Variants in DSCAM observed in about 807,000 individuals in gnomAD.
DSCAM encodes cell adhesion molecule DSCAM.
In DSCAM, 47 loss-of-function variants were observed where a neutral mutation model predicts 217.7. The observed-to-expected ratio is 0.22, with a 90% CI of 0.17 to 0.28. The LOEUF is 0.28. Ranked by LOEUF, DSCAM falls within the 10% of genes least tolerant of loss-of-function variation. DSCAM has a pLI of 1.00. For synonymous variants in DSCAM, 1,056 were observed against 1,015.3 expected, an observed-to-expected ratio of 1.04 and a Z score of -0.76; for missense variants, 2,080 against 2,618.3, an observed-to-expected ratio of 0.79 and a Z score of 4.49.
chr21:40,072,533 A>G (rs1229842163), intron 27 of DSCAM, among the ~76,000 whole-genome samples: 1 of 151,876 alleles, frequency 6.6e-6, no homozygotes, highest in Non-Finnish European at 1.5e-5. Context: ...TATTTTTAGT[A>G]GAGACGGGGT....
intron 3 of DSCAM, among the ~76,000 whole-genome samples, chr21:40,690,042 G>A (rs2090522613): frequency 6.6e-6 from 1 of 152,182 alleles, no homozygotes; most frequent in Admixed American, 6.5e-5. Context: ...ATGGGGGAGG[G>A]AGGCTGTCCT....
In DSCAM at chr21:40,016,993, G is replaced by A. The variant is rs1313608595; in HGVS notation, c.5687-3607C>T. Among the ~76,000 whole-genome samples the A allele has an allele frequency of 6.6e-6, 1 of 151,876 alleles. No homozygotes were observed. The highest frequency in any genetic ancestry group is 2.4e-5 in the African/African-American group (1 of 41,354). ...CAGCTGGACGTGGTGGTACACGCCT[G>A]TAATCCCAGCTACTCAGGAGGCTGA... On this transcript the variant is annotated intron_variant, in intron 32 of 32. Coordinates refer to ENST00000400454, the MANE Select transcript of DSCAM (RefSeq NM_001389.5). The surrounding 1 kb of genome is among the most constrained non-coding windows in gnomAD (Gnocchi z 4.3).
intron 3 of DSCAM, among the ~76,000 whole-genome samples, chr21:40,550,461 G>A (rs1211784721): frequency 6.6e-6 from 1 of 152,152 alleles, no homozygotes; most frequent in East Asian, 1.9e-4. Flanking sequence ...GGAGGCAGGG[G>A]CTGCAGTGAG....
intron 16 of DSCAM, among the ~76,000 whole-genome samples, chr21:40,161,578 C>A (rs1037917776): frequency 6.6e-6 from 1 of 152,092 alleles, no homozygotes; most frequent in Non-Finnish European, 1.5e-5. Context: ...AGAGTCTAGT[C>A]CACCTAAAAA....
intron 1 of DSCAM, among the ~76,000 whole-genome samples, chr21:40,710,503 G>A (rs17000228): frequency 0.03 from 4,483 of 151,906 alleles, 228 homozygotes; most frequent in African/African-American, 0.1. Context: ...GGTTCTATAC[G>A]GACTTCACAA....
At chr21:40,235,540 G>A (rs1406911039) in intron 11 of DSCAM, among the ~76,000 whole-genome samples, 1 of 152,058 alleles carries the variant, frequency 6.6e-6, no homozygotes, top group Non-Finnish European at 1.5e-5. Context: ...CTGAAATAAT[G>A]GAAAACAGAA....
intron 30 of DSCAM, among the ~76,000 whole-genome samples, chr21:40,046,078 T>C (rs2837384): frequency 0.17 from 25,258 of 152,212 alleles, 2,564 homozygotes; most frequent in East Asian, 0.34. Flanking sequence ...CTTGACCACA[T>C]ATGGCCAAAT....
intron 14 of DSCAM, among the ~76,000 whole-genome samples, chr21:40,183,853 A>T (rs2090865479): frequency 1.3e-5 from 2 of 152,204 alleles, no homozygotes; most frequent in African/African-American, 4.8e-5. Flanking sequence ...AGGAAAGGAA[A>T]ACTTTTGGGG....
intron 9 of DSCAM, among the ~76,000 whole-genome samples, chr21:40,303,794 C>G (rs974123330): frequency 2.6e-5 from 4 of 152,156 alleles, no homozygotes; most frequent in Admixed American, 2.0e-4. Flanking sequence ...TGTCAACTGA[C>G]AGTCAACTAT....
intron 3 of DSCAM, among the ~76,000 whole-genome samples, chr21:40,634,245 A>G (rs190193166): frequency 1.3e-5 from 2 of 152,318 alleles, no homozygotes; most frequent in East Asian, 3.9e-4. Flanking sequence ...CAGGAATGAG[A>G]TTCAGACCAG....
At chr21:40,670,804 C>T (rs139997752) in intron 3 of DSCAM, among the ~76,000 whole-genome samples, 1 of 152,258 alleles carries the variant, frequency 6.6e-6, no homozygotes, top group African/African-American at 2.4e-5. Flanking sequence ...CATGGGTGTA[C>T]AAACATTTCC....
At chr21:40,469,332 T>C (rs1279880601) in intron 3 of DSCAM, among the ~76,000 whole-genome samples, 3 of 151,964 alleles carry the variant, frequency 2.0e-5, no homozygotes, top group African/African-American at 4.8e-5. Flanking sequence ...AAAAAAGACA[T>C]GGGAAAGCAC....
At position 40,107,793 on chromosome 21, in the gene DSCAM, C is replaced by CT. The variant is rs1157292714; in HGVS notation, c.3697-13920dup. On this transcript the variant is annotated intron_variant, in intron 20 of 32. Transcript: ENST00000400454. ...AAACTTAGGACAGTTAGATCTTTGT[C>CT]TTTTTTGTTCTTTGTTGGTTTAAAG... Among the ~76,000 whole-genome samples the CT allele has an allele frequency of 2.0e-5, 3 of 152,214 alleles. No individual in the cohort carries two copies. The East Asian group carries it at 5.8e-4, about 29-fold the overall frequency.
intron 3 of DSCAM, among the ~76,000 whole-genome samples, chr21:40,523,445 C>T (rs1048775368): frequency 1.3e-5 from 2 of 152,162 alleles, no homozygotes; most frequent in Non-Finnish European, 2.9e-5. Context: ...GGCCTAAGAG[C>T]ACACCGACAG....
intron 1 of DSCAM, among the ~76,000 whole-genome samples, chr21:40,741,815 A>G (rs555748416): frequency 6.6e-6 from 1 of 152,342 alleles, no homozygotes; most frequent in East Asian, 1.9e-4. Flanking sequence ...GCAGCTCAGT[A>G]TACTGACCTG....
chr21:40,402,826 T>G (rs573612590), intron 3 of DSCAM, among the ~76,000 whole-genome samples: 1 of 152,206 alleles, frequency 6.6e-6, no homozygotes, highest in East Asian at 1.9e-4. Flanking sequence ...AAATACAAAG[T>G]TTTAAGGCTT....
intron 3 of DSCAM, chr21:40,621,522 C>CT (rs2089516944): frequency 6.6e-6 from 1 of 152,066 alleles, no homozygotes; most frequent in Non-Finnish European, 1.5e-5. Context: ...TGACTGGATG[C>CT]CCTTTGCAGC....
chr21:40,427,796 T>C (rs2075489792), intron 3 of DSCAM, among the ~76,000 whole-genome samples: 1 of 152,258 alleles, frequency 6.6e-6, no homozygotes, highest in African/African-American at 2.4e-5. Flanking sequence ...GCATGTGGCC[T>C]GGTGCTGCTA....
chr21:40,346,598 T>C (rs530220693), intron 6 of DSCAM, among the ~76,000 whole-genome samples: 2 of 152,328 alleles, frequency 1.3e-5, no homozygotes, highest in African/African-American at 4.8e-5. Context: ...CAGGTAGTGA[T>C]AAATATATGT....
Sources: allele counts gnomAD v4.1 joint callset (sites outside exome capture counted in the v4.1 genomes callset), GRCh38; gene constraint gnomAD v4.1.1; non-coding constraint Gnocchi (gnomAD v3.1); transcripts MANE v1.5; gene names NCBI Gene and HGNC (gene_info 2026-07-23, HGNC 2026-07-21).